The following ARHGAP26 variants were observed in gnomAD, a reference collection of about 807,000 sequenced individuals.
ARHGAP26 encodes the protein rho GTPase-activating protein 26.
In ARHGAP26, 38 loss-of-function variants were observed where a neutral mutation model predicts 104.8. The observed-to-expected ratio is 0.36, with a 90% CI of 0.28 to 0.48. ARHGAP26 has a LOEUF of 0.48. Ranked by LOEUF, ARHGAP26 falls within the 20% of genes least tolerant of loss-of-function variation. ARHGAP26 has a pLI of 0.99. For missense variants in ARHGAP26, 704 were observed against 947.9 expected (o/e 0.74, Z 3.38); for synonymous variants, 341 against 340.0 (o/e 1.00, Z -0.03).
chr5:143,065,054 C>G (rs941486514), intron 17 of ARHGAP26, among the ~76,000 whole-genome samples: 13 of 152,240 alleles, frequency 8.5e-5, no homozygotes, highest in African/African-American at 2.9e-4. Flanking sequence ...TCCATGGAAT[C>G]CCCTCCCAAA....
intron 17 of ARHGAP26, among the ~76,000 whole-genome samples, chr5:143,063,884 G>C (rs901286414): frequency 6.6e-6 from 1 of 152,148 alleles, no homozygotes; most frequent in Admixed American, 6.5e-5. Flanking sequence ...CATTCCACCT[G>C]GTGGGACAGT....
At chr5:142,844,656 C>A (rs1332853957) in intron 1 of ARHGAP26, among the ~76,000 whole-genome samples, 1 of 151,638 alleles carries the variant, frequency 6.6e-6, no homozygotes, top group Non-Finnish European at 1.5e-5. Flanking sequence ...CTGAGGTCAG[C>A]AGTTTGAGAC....
intron 22 of ARHGAP26, among the ~76,000 whole-genome samples, chr5:143,220,376 G>A (rs1810985556): frequency 6.6e-6 from 1 of 152,232 alleles, no homozygotes; most frequent in South Asian, 2.1e-4. Context: ...CTACTGACTA[G>A]CCTGTACTGA....
In ARHGAP26 at chr5:143,168,445, C is replaced by CTT. The variant is rs10610584; in HGVS notation, c.1988+21094_1988+21095dup. 102 of 25,706 alleles carry CTT rather than the reference C, an allele frequency of 4.0e-3. 14 individuals carry two copies. Among genetic ancestry groups the CTT allele is most frequent in the East Asian group, 0.013 (7 of 536 alleles). 1.6% of individuals were successfully genotyped at this position (25,706 alleles called of 1,614,324 possible). A position where few individuals can be genotyped will look rare whatever the true frequency, so the allele number is the denominator to read the frequency against. On this transcript the variant is annotated intron_variant, in intron 20 of 22. Coordinates refer to ENST00000645722, the MANE Select transcript of ARHGAP26 (RefSeq NM_001135608.3). ...CAAATAGACCTCACCATCTGGAACT[C>CTT]TTTTTTTTTTTTTTTTTTTTTTTTT...
intron 1 of ARHGAP26, among the ~76,000 whole-genome samples, chr5:142,786,603 A>T (rs1341136265): frequency 6.6e-6 from 1 of 151,834 alleles, no homozygotes; most frequent in Non-Finnish European, 1.5e-5. Flanking sequence ...TGGAGAAAAC[A>T]AAGCCTTTGG....
intron 1 of ARHGAP26, among the ~76,000 whole-genome samples, chr5:142,820,962 C>T (rs187557927): frequency 1.2e-4 from 19 of 152,246 alleles, no homozygotes; most frequent in South Asian, 4.2e-4. Context: ...TCAAATTACC[C>T]GGGAAGGCAA....
chr5:143,172,989 T>C (rs1232741199), intron 20 of ARHGAP26: 1 of 180,900 alleles, frequency 5.5e-6, no homozygotes, highest in Non-Finnish European at 1.2e-5. Context: ...GCAGTTACCA[T>C]GTCTACGGCA....
chr5:143,088,632 C>T (rs774090802), intron 17 of ARHGAP26, among the ~76,000 whole-genome samples: 14 of 152,134 alleles, frequency 9.2e-5, no homozygotes, highest in Admixed American at 9.2e-4. Context: ...GAATAGCACT[C>T]GAATATAAAA....
At chr5:143,004,558 C>G (rs146732386) in intron 11 of ARHGAP26, among the ~76,000 whole-genome samples, 15 of 152,298 alleles carry the variant, frequency 9.8e-5, no homozygotes, top group Non-Finnish European at 1.9e-4. Context: ...CTGGGTCAGC[C>G]TCCTGCTTTA....
chr5:143,076,585 G>A (rs1236825290), intron 17 of ARHGAP26, among the ~76,000 whole-genome samples: 1 of 151,948 alleles, frequency 6.6e-6, no homozygotes, highest in South Asian at 2.1e-4. Flanking sequence ...TCCTCTTTTG[G>A]CACACCCTGT....
chr5:143,103,954 T>C (rs1300151576), intron 17 of ARHGAP26, among the ~76,000 whole-genome samples: 6 of 151,270 alleles, frequency 4.0e-5, no homozygotes, highest in South Asian at 2.1e-4. Flanking sequence ...TATATATATA[T>C]ACACACAATG....
chr5:142,979,538 G>C (rs565901662), intron 11 of ARHGAP26, among the ~76,000 whole-genome samples: 1 of 152,316 alleles, frequency 6.6e-6, no homozygotes, highest in East Asian at 1.9e-4. Context: ...AGGGCTAGGA[G>C]TGCCACTGAT....
chr5:142,990,738 T>C (rs915095441), intron 11 of ARHGAP26, among the ~76,000 whole-genome samples: 21 of 152,226 alleles, frequency 1.4e-4, no homozygotes, highest in African/African-American at 4.8e-4. Context: ...CTCCAGACCC[T>C]GTTTGCCTGA....
chr5:143,063,197 A>C (rs1333252451), intron 17 of ARHGAP26, among the ~76,000 whole-genome samples: 1 of 152,060 alleles, frequency 6.6e-6, no homozygotes, highest in Non-Finnish European at 1.5e-5. Context: ...TCCCACCGGG[A>C]ACTCAGAGTT....
intron 1 of ARHGAP26, among the ~76,000 whole-genome samples, chr5:142,795,191 G>T (rs1313105222): frequency 6.6e-6 from 1 of 152,140 alleles, no homozygotes; most frequent in Non-Finnish European, 1.5e-5. Flanking sequence ...TTCCAGTCCT[G>T]GTTGTTGCCC....
At chr5:143,025,628 GTGCATT>G (rs1268007176) in intron 12 of ARHGAP26, among the ~76,000 whole-genome samples, 1 of 152,226 alleles carries the variant, frequency 6.6e-6, no homozygotes, top group Non-Finnish European at 1.5e-5. Context: ...TTACTGCAGT[GTGCATT>G]AAGCCTTGCT....
At chr5:143,094,026 C>T (rs1791889405) in intron 17 of ARHGAP26, among the ~76,000 whole-genome samples, 1 of 152,192 alleles carries the variant, frequency 6.6e-6, no homozygotes, top group Admixed American at 6.5e-5. Context: ...TGAGATTCAG[C>T]TCCCACCTCC....
At chr5:143,155,573 G>T (rs748665404) in intron 20 of ARHGAP26, among the ~76,000 whole-genome samples, 2 of 152,132 alleles carry the variant, frequency 1.3e-5, no homozygotes. Flanking sequence ...GACCCAGCAG[G>T]GTTTCTTTCC....
intron 17 of ARHGAP26, among the ~76,000 whole-genome samples, chr5:143,080,232 G>C (rs1164711257): frequency 6.6e-6 from 1 of 152,170 alleles, no homozygotes; most frequent in African/African-American, 2.4e-5. Flanking sequence ...AGTCCCTGCT[G>C]TCTTAGAGCT....
Sources: allele counts gnomAD v4.1 joint callset (sites outside exome capture counted in the v4.1 genomes callset), GRCh38; gene constraint gnomAD v4.1.1; transcripts MANE v1.5; gene names NCBI Gene and HGNC (gene_info 2026-07-23, HGNC 2026-07-21).